The following SPTLC3 variants were observed in gnomAD, a reference collection of about 807,000 sequenced individuals.
The protein encoded by SPTLC3 is serine palmitoyltransferase long chain base subunit 3, also known as serine palmitoyltransferase 3.
A neutral mutation model predicts 59.3 loss-of-function variants in SPTLC3; 36 were observed. The ratio of observed to expected loss-of-function variants is 0.61; its 90% CI spans 0.47 to 0.80. The LOEUF is 0.80. Among genes scored for constraint, SPTLC3 ranks in the 30% least tolerant of loss-of-function variants. The pLI, the probability that SPTLC3 is intolerant of heterozygous loss-of-function variation, is 0.00. For missense variants in SPTLC3, 625 were observed against 685.1 expected, an observed-to-expected ratio of 0.91 and a Z score of 0.98; for synonymous variants, 257 against 240.8, an observed-to-expected ratio of 1.07 and a Z score of -0.62.
chr20:13,010,040 CT>C (rs745481257), intron 1 of SPTLC3, among the ~76,000 whole-genome samples: 54 of 139,218 alleles, frequency 3.9e-4, no homozygotes, highest in East Asian at 1.3e-3. Context: ...CAACTTGACA[CT>C]TTTTTTTTTT....
At chr20:13,031,248 G>A (rs942782234) in intron 1 of SPTLC3, among the ~76,000 whole-genome samples, 2 of 152,196 alleles carry the variant, frequency 1.3e-5, no homozygotes, top group African/African-American at 4.8e-5. Flanking sequence ...CCAACTACAT[G>A]AGAATATTGA....
At chr20:13,101,090 C>T (rs988724523) in intron 6 of SPTLC3, among the ~76,000 whole-genome samples, 6 of 152,206 alleles carry the variant, frequency 3.9e-5, no homozygotes, top group Non-Finnish European at 7.3e-5. Context: ...TACTAGGAAA[C>T]TCTGGGTGCC....
chr20:13,073,125 T>C (rs1600252437), intron 3 of SPTLC3, among the ~76,000 whole-genome samples: 1 of 152,312 alleles, frequency 6.6e-6, no homozygotes, highest in African/African-American at 2.4e-5. Flanking sequence ...TAAACCACAG[T>C]CACCCTACTG....
At chr20:13,157,378 A>C (rs181656125) in intron 10 of SPTLC3, among the ~76,000 whole-genome samples, 23 of 152,212 alleles carry the variant, frequency 1.5e-4, no homozygotes, top group African/African-American at 5.3e-4. Flanking sequence ...TGGAGGTTGC[A>C]GTGAGCCAAG....
At chr20:13,164,674 G>T (rs1186070495) in intron 11 of SPTLC3, 80 bp from the exon 12 acceptor site, 2 of 1,010,820 alleles carry the variant, frequency 2.0e-6, no homozygotes, top group African/African-American at 1.6e-5. Context: ...TCTTTGTGAG[G>T]CTTGCTATTA....
At chr20:13,142,738 A>G (rs1208810963) in intron 9 of SPTLC3, among the ~76,000 whole-genome samples, 1 of 152,198 alleles carries the variant, frequency 6.6e-6, no homozygotes, top group Admixed American at 6.5e-5. Flanking sequence ...CTCCAAGCTC[A>G]CATGGCTGTG....
At chr20:13,153,535 C>T (rs1009257029) in intron 9 of SPTLC3, among the ~76,000 whole-genome samples, 1 of 151,914 alleles carries the variant, frequency 6.6e-6, no homozygotes, top group Non-Finnish European at 1.5e-5. Flanking sequence ...GATGAAGGAT[C>T]CTTTGATTAG....
intron 2 of SPTLC3, among the ~76,000 whole-genome samples, chr20:13,061,273 G>A (rs939629593): frequency 6.6e-6 from 1 of 152,074 alleles, no homozygotes; most frequent in African/African-American, 2.4e-5. Flanking sequence ...ACAGAGTCAG[G>A]GGCCTTGTGA....
At chr20:13,114,025 C>T (rs978366228) in intron 7 of SPTLC3, among the ~76,000 whole-genome samples, 2 of 152,282 alleles carry the variant, frequency 1.3e-5, no homozygotes, top group Admixed American at 6.5e-5. Flanking sequence ...GACAGATAAC[C>T]GAGATGAGGC....
At chr20:13,144,417 A>G (rs1166633431) in intron 9 of SPTLC3, among the ~76,000 whole-genome samples, 1 of 152,202 alleles carries the variant, frequency 6.6e-6, no homozygotes, top group African/African-American at 2.4e-5. Flanking sequence ...TGAGAAATAG[A>G]TGTAGTAGCT....
At chr20:13,149,637 A>G (rs1029186389) in intron 9 of SPTLC3, among the ~76,000 whole-genome samples, 1 of 152,262 alleles carries the variant, frequency 6.6e-6, no homozygotes, top group Non-Finnish European at 1.5e-5. Context: ...CTTGTCAGCC[A>G]TGCTGTGCTA....
At chr20:13,020,673 G>A (rs553151974) in intron 1 of SPTLC3, among the ~76,000 whole-genome samples, 19 of 152,122 alleles carry the variant, frequency 1.2e-4, no homozygotes, top group South Asian at 4.2e-4. Context: ...GTAGCTTTTC[G>A]CACTCCCGCA....
intron 2 of SPTLC3, among the ~76,000 whole-genome samples, chr20:13,068,922 C>T (rs1988334305): frequency 6.6e-6 from 1 of 152,152 alleles, no homozygotes; most frequent in East Asian, 1.9e-4. Context: ...AAGCATTTAT[C>T]TCAGTGAAGA....
intron 6 of SPTLC3, among the ~76,000 whole-genome samples, chr20:13,099,526 A>T (rs956301120): frequency 6.6e-6 from 1 of 152,190 alleles, no homozygotes; most frequent in Non-Finnish European, 1.5e-5. Flanking sequence ...GTTCCCACAC[A>T]CCCACATGTT....
intron 7 of SPTLC3, among the ~76,000 whole-genome samples, chr20:13,112,173 C>T (rs895308378): frequency 3.9e-5 from 6 of 152,238 alleles, no homozygotes; most frequent in Non-Finnish European, 7.3e-5. Flanking sequence ...TTCTTCTACT[C>T]CACATGGCAT....
At chr20:13,129,676 C>A (rs928888126) in intron 9 of SPTLC3, among the ~76,000 whole-genome samples, 2 of 152,192 alleles carry the variant, frequency 1.3e-5, no homozygotes, top group African/African-American at 4.8e-5. Flanking sequence ...ACTTTGCAAT[C>A]ATGTCCTTCC....
Position 13,167,567 on chromosome 20 carries a change from G to C in SPTLC3, c.*2700G>C, listed in dbSNP as rs1170172303. 2.6e-5 allele frequency: 4 copies of C among 152,204 alleles called. No homozygotes were observed. Among genetic ancestry groups the C allele is most frequent in the Non-Finnish European group, 4.4e-5 (3 of 68,028 alleles). The allele number at this position is 152,204 out of a possible 1,614,324, so 9.4% of individuals were successfully genotyped here. A position where few individuals can be genotyped will look rare whatever the true frequency, so the allele number is the denominator to read the frequency against. On this transcript the variant is annotated 3_prime_UTR_variant, in exon 12 of 12. Coordinates refer to ENST00000399002, the MANE Select transcript of SPTLC3 (RefSeq NM_018327.4). ...TGTTCTTGAAAATGACCTCAGGAAA[G>C]CAGAAGATAAAGGTTCCAGATGATA...
intron 6 of SPTLC3, 26 bp from the exon 7 acceptor site, chr20:13,110,086 A>T (rs200466273): frequency 2.2e-5 from 26 of 1,184,364 alleles, no homozygotes; most frequent in Middle Eastern, 2.1e-4. Context: ...TCATGACTCA[A>T]TTTTTTTTTT....
intron 9 of SPTLC3, 47 bp from the exon 10 acceptor site, chr20:13,153,956 C>A (rs1330946946): frequency 1.9e-6 from 3 of 1,603,658 alleles, no homozygotes; most frequent in Non-Finnish European, 2.6e-6. Context: ...CCTTTACTTC[C>A]CTCTTTCTAG....
Sources: gnomAD v4.1 joint callset for allele counts (sites outside exome capture counted in the v4.1 genomes callset) on GRCh38, gnomAD v4.1.1 for gene constraint, MANE v1.5 for transcripts, NCBI Gene and HGNC (gene_info 2026-07-23, HGNC 2026-07-21) for gene names.